The following BRF1 variants were observed in gnomAD, a reference collection of about 807,000 sequenced individuals.
BRF1 encodes the protein transcription factor IIIB 90 kDa subunit.
In BRF1, 59 loss-of-function variants were observed where a neutral mutation model predicts 81.7. That is an observed-to-expected ratio of 0.72 (90% CI 0.59 to 0.90). The LOEUF (loss-of-function observed/expected upper bound fraction) is 0.90, where lower values mean the gene tolerates loss of function less well. BRF1 is among the 40% of genes least tolerant of loss of function. BRF1 has a pLI of 0.00. For missense variants in BRF1, 1,050 were observed against 936.3 expected, an observed-to-expected ratio of 1.12 and a Z score of -1.58; for synonymous variants, 491 against 395.6, an observed-to-expected ratio of 1.24 and a Z score of -2.86.
rs1238446672 is a variant in BRF1 at position 105,271,105 on chromosome 14, G to C, written c.439+1616C>G. Among the ~76,000 whole-genome samples the C allele has an allele frequency of 6.6e-6, 1 of 152,224 alleles. No homozygotes were observed. Among genetic ancestry groups the C allele is most frequent in the East Asian group, 1.9e-4 (1 of 5,202 alleles). ...TGAAAAACATGAAAGAAATGAAACA[G>C]CCTGCTGGAAGCTAAAGTTCAGGTG... is the stretch of plus-strand genomic sequence containing the variant. On this transcript the variant is annotated intron_variant, in intron 3 of 17. Coordinates refer to ENST00000547530, the MANE Select transcript of BRF1 (RefSeq NM_001519.4). This position sits in a 1 kb window ranked among gnomAD's most constrained non-coding sequence, Gnocchi z 5.5.
chr14:105,313,866 C>T (rs1373381947), intron 1 of BRF1, among the ~76,000 whole-genome samples: 1 of 152,220 alleles, frequency 6.6e-6, no homozygotes, highest in Non-Finnish European at 1.5e-5. Context: ...CTCCCTGAGC[C>T]CCAGAGCCTA....
intron 16 of BRF1, 29 bp from the exon 17 acceptor site, chr14:105,211,322 C>T (rs888653356): frequency 2.6e-6 from 4 of 1,556,308 alleles, no homozygotes; most frequent in Middle Eastern, 3.4e-4. Flanking sequence ...CTGACACACA[C>T]AGAGCTGGGA....
At chr14:105,314,002 A>ACGC (rs910007434) in intron 1 of BRF1, among the ~76,000 whole-genome samples, 84 of 152,378 alleles carry the variant, frequency 5.5e-4, no homozygotes, top group Non-Finnish European at 2.9e-5. Flanking sequence ...CCTGAGCACA[A>ACGC]CGCTGAAAAG....
At chr14:105,266,935 C>T (rs1595427372) in intron 3 of BRF1, among the ~76,000 whole-genome samples, 1 of 151,914 alleles carries the variant, frequency 6.6e-6, no homozygotes, top group African/African-American at 2.4e-5. Flanking sequence ...TCCAGCTACA[C>T]GGGAGGCTGA....
upstream of BRF1, among the ~76,000 whole-genome samples, chr14:105,302,604 G>T (rs995147956): frequency 3.3e-5 from 5 of 151,942 alleles, no homozygotes; most frequent in Non-Finnish European, 5.9e-5. Context: ...TTTAAAAATT[G>T]AGATAGTGTC....
chr14:105,300,545 C>T lies in BRF1; in HGVS notation c.85G>A (p.Gly29Ser). ...ARGDAVCTAC[G>S]SVLEDNIIVS... ...ATGATGTTGTCCTCCAGCACTGAGC[C>T]GCAGGCGGTGCACACCGCGTCCCCG... is the stretch of plus-strand genomic sequence containing the variant. The change falls in exon 1 of 18, where the codon GGC (glycine) becomes AGC (serine). Residue 29 changes from glycine to serine, a missense_variant. Physicochemically the swap from Gly to Ser is moderately conservative, Grantham distance 56 (BLOSUM62 0). This residue lies in a region of BRF1 where 1,043 missense variants were observed against 915.4 expected (regional missense o/e 1.14). Transcript: ENST00000547530. 1 of 1,524,612 alleles carries T rather than the reference C, an allele frequency of 6.6e-7. No homozygotes were observed. Among genetic ancestry groups the T allele is most frequent in the Non-Finnish European group, 8.8e-7 (1 of 1,139,690 alleles). The allele number at this position is 1,524,612 out of a possible 1,614,324, so 94.4% of individuals were successfully genotyped here.
Position 105,272,801 on chromosome 14 carries a change from C to T in BRF1, c.359G>A (p.Arg120Lys), listed in dbSNP as rs2056715296. The change falls in exon 3 of 18, where the codon AGG (arginine) becomes AAG (lysine). Residue 120 changes from arginine to lysine, a missense_variant. Arg to Lys is a conservative substitution (Grantham distance 26). Around this residue, in one of 2 missense-constraint regions of BRF1, gnomAD observed 1,043 missense variants for 915.4 expected, o/e 1.14. Transcript: ENST00000547530. ...AFNFFKMAVS[R>K]HLTRGRKMAH... ...CATCTTCCGGCCGCGGGTCAGGTGC[C>T]TGCTCACGGCCATCTTGAAGAAGTT... 6.2e-7 allele frequency: 1 copy of T among 1,613,928 alleles called. No individual in the cohort carries two copies. The highest frequency in any genetic ancestry group is 1.7e-5 in the Admixed American group (1 of 59,996).
intron 1 of BRF1, among the ~76,000 whole-genome samples, chr14:105,295,303 CAAAAAAAAAAAA>C (rs869251134): frequency 5.5e-5 from 2 of 36,598 alleles, no homozygotes; most frequent in African/African-American, 1.8e-4. Flanking sequence ...CACATCTCTA[CAAAAAAAAAAAA>C]AAAAAAAAAA....
At position 105,295,391 on chromosome 14, in the gene BRF1, A is replaced by T. The variant is rs2057694186; in HGVS notation, c.184+5055T>A. Reference sequence around the variant, plus strand: ...GAGGCCAAGACGGGAGAATTACTTGAGCCCAGGAGTTCCAGACGAGCCTGG... The same window carrying T: ...GAGGCCAAGACGGGAGAATTACTTGTGCCCAGGAGTTCCAGACGAGCCTGG... On this transcript the variant is annotated intron_variant, in intron 1 of 17. Transcript: ENST00000547530. 2.6e-5 allele frequency among the ~76,000 whole-genome samples: 4 copies of T among 151,620 alleles called. No homozygotes were observed. The South Asian group carries it at 8.3e-4, about 32-fold the overall frequency.
intron 1 of BRF1, among the ~76,000 whole-genome samples, chr14:105,292,330 C>T (rs587661829): frequency 8.5e-5 from 13 of 152,148 alleles, no homozygotes; most frequent in African/African-American, 3.1e-4. Flanking sequence ...ATTACAGGCG[C>T]CCACCACCAT....
Position 105,210,181 on chromosome 14 carries a change from C to G in BRF1, c.*370G>C, listed in dbSNP as rs995107272. On this transcript the variant is annotated 3_prime_UTR_variant, in exon 18 of 18. Transcript: ENST00000547530. The surrounding 1 kb of genome is among the most constrained non-coding windows in gnomAD (Gnocchi z 4.7). ...GGTCCTGAGTCACAGGGCCAGCACA[C>G]TCAGCCCTCCACACACTTGGACCAG... 3.1e-6 allele frequency: 1 copy of G among 318,302 alleles called. No individual in the cohort carries two copies. The highest frequency in any genetic ancestry group is 6.0e-6 in the Non-Finnish European group (1 of 167,880). 19.7% of individuals were successfully genotyped at this position (318,302 alleles called of 1,614,324 possible).
At position 105,272,789 on chromosome 14, in the gene BRF1, C is replaced by A. The variant is rs1198471192; in HGVS notation, c.371G>T (p.Arg124Leu). The change falls in exon 3 of 18, where the codon CGC becomes CTC. Residue 124 changes from arginine to leucine, a missense_variant. Coordinates refer to ENST00000547530, the MANE Select transcript of BRF1 (RefSeq NM_001519.4). ...AATCACGTGGGCCATCTTCCGGCCG[C>A]GGGTCAGGTGCCTGCTCACGGCCAT... ...FKMAVSRHLT[R>L]GRKMAHVIAA... 6.2e-7 allele frequency: 1 copy of A among 1,613,840 alleles called. No individual in the cohort carries two copies.
At chr14:105,252,695 C>A in intron 4 of BRF1, 116 bp from the exon 5 acceptor site, 1 of 1,105,258 alleles carries the variant, frequency 9.0e-7, no homozygotes, top group Non-Finnish European at 1.3e-6. Flanking sequence ...GCCCGTGGAG[C>A]AGCCACCCCA....
In BRF1 at chr14:105,309,236, G is replaced by A. The variant is rs970452489; in HGVS notation, c.-162+6086C>T. Among the ~76,000 whole-genome samples, 14 of 152,144 alleles carry A rather than the reference G, an allele frequency of 9.2e-5. No individual in the cohort carries two copies. Among genetic ancestry groups the A allele is most frequent in the African/African-American group, 3.1e-4 (13 of 41,414 alleles). On this transcript the variant is annotated intron_variant, in intron 1 of 17. Coordinates refer to the BRF1 transcript ENST00000327359. This position sits in a 1 kb window ranked among gnomAD's most constrained non-coding sequence, Gnocchi z 4.0. ...AGAAGTGTTAAAATTTATGCATCAA[G>A]GTCCCTCTTAATCTTGGGGCTCAGG...
chr14:105,211,992 G>T, intron 16 of BRF1, 121 bp downstream of exon 16: 1 of 1,404,436 alleles, frequency 7.1e-7, no homozygotes. Context: ...GTATGGGGCA[G>T]CAGGGGCAGG....
At chr14:105,217,478 G>A (rs1229777321) in intron 15 of BRF1, 66 bp downstream of exon 15, 5 of 1,575,452 alleles carry the variant, frequency 3.2e-6, no homozygotes, top group Middle Eastern at 1.7e-4. Flanking sequence ...TCCAGGACCC[G>A]AAGCCATGGG....
At chr14:105,227,994 C>T (rs915237829) in intron 7 of BRF1, 16 of 152,186 alleles carry the variant, frequency 1.1e-4, no homozygotes, top group Admixed American at 4.6e-4. Flanking sequence ...GCGGTGCAGG[C>T]GAGCTGTGAG....
In BRF1 at chr14:105,269,991, G is replaced by A. The variant is rs587599051; in HGVS notation, c.439+2730C>T. The stretch of plus-strand genomic sequence containing the variant: ...AGGATCGGAGCAGGCCTCTCAGTGG[G>A]ACCCCAGGGTGGAGCCGGGGCAAGC... On this transcript the variant is annotated intron_variant, in intron 3 of 17. Transcript: ENST00000547530. The surrounding 1 kb of genome is among the most constrained non-coding windows in gnomAD (Gnocchi z 5.0). Among the ~76,000 whole-genome samples, 1 of 152,234 alleles carries A rather than the reference G, an allele frequency of 6.6e-6. No individual in the cohort carries two copies. Among genetic ancestry groups the A allele is most frequent in the African/African-American group, 2.4e-5 (1 of 41,554 alleles).
At chr14:105,229,516 G>A (rs931234768) in intron 6 of BRF1, among the ~76,000 whole-genome samples, 2 of 152,218 alleles carry the variant, frequency 1.3e-5, no homozygotes, top group Non-Finnish European at 1.5e-5. Context: ...CAATTCCGGA[G>A]CTGGGGTAGT....
Sources: gnomAD v4.1 joint callset for allele counts (sites outside exome capture counted in the v4.1 genomes callset) on GRCh38, gnomAD v4.1.1 for gene constraint, gnomAD v4.1.1 regional missense constraint, Gnocchi (gnomAD v3.1) non-coding constraint, MANE v1.5 for transcripts, NCBI Gene and HGNC (gene_info 2026-07-23, HGNC 2026-07-21) for gene names.